The following AGBL1 variants were observed in gnomAD, a reference collection of about 807,000 sequenced individuals.
AGBL1 encodes cytosolic carboxypeptidase 4.
A neutral mutation model predicts 118.9 loss-of-function variants in AGBL1; 130 were observed. That is an observed-to-expected ratio of 1.09 (90% confidence interval 0.95 to 1.26). The LOEUF (loss-of-function observed/expected upper bound fraction) is 1.26. AGBL1 is among the 50% of genes most tolerant of loss of function. The pLI, the probability that AGBL1 is intolerant of heterozygous loss-of-function variation, is 0.00. For synonymous variants in AGBL1, 555 were observed against 478.9 expected (o/e 1.16, Z -2.08); for missense variants, 1,584 against 1,298.1 (o/e 1.22, Z -3.38).
At chr15:86,364,956 C>CATATAT (rs776121691) in intron 17 of AGBL1, among the ~76,000 whole-genome samples, 35 of 89,586 alleles carry the variant, frequency 3.9e-4, no homozygotes, top group African/African-American at 2.1e-3. Context: ...TTATATGTCA[C>CATATAT]ACATATATAT....
chr15:86,870,978 G>C lies in AGBL1; in HGVS notation c.3159-36109G>C, dbSNP rs539523470. ...AGAGAGATTGGGCTAGCTTGCCTTT[G>C]GTGCCCAGCAACTAACTGCTTAGGG... is the stretch of plus-strand genomic sequence containing the variant. On this transcript the variant is annotated intron_variant, in intron 22 of 22. Transcript: ENST00000614907. 9.2e-5 allele frequency among the ~76,000 whole-genome samples: 14 copies of C among 152,282 alleles called. No individual in the cohort carries two copies. The South Asian group carries it at 2.9e-3, about 32-fold the overall frequency.
intron 23 of AGBL1, among the ~76,000 whole-genome samples, chr15:86,983,064 G>A (rs1227368190): frequency 1.3e-5 from 2 of 151,242 alleles, no homozygotes; most frequent in African/African-American, 4.8e-5. Context: ...ACCTTTTTTT[G>A]TTTTGTTTTT....
At chr15:86,279,535 C>A (rs966190156) in intron 15 of AGBL1, 104 bp from the exon 16 acceptor site, 2 of 1,103,858 alleles carry the variant, frequency 1.8e-6, no homozygotes, top group African/African-American at 1.6e-5. Flanking sequence ...TGTGCCAGGA[C>A]AGTATATAAC....
chr15:86,919,741 C>A (rs761667181), downstream of AGBL1, among the ~76,000 whole-genome samples: 1 of 152,196 alleles, frequency 6.6e-6, no homozygotes, highest in South Asian at 2.1e-4. Flanking sequence ...GAAGCGACTG[C>A]GGCAAGCTCT....
chr15:86,192,173 C>T (rs1237181343), intron 5 of AGBL1, among the ~76,000 whole-genome samples: 1 of 151,046 alleles, frequency 6.6e-6, no homozygotes, highest in Non-Finnish European at 1.5e-5. Context: ...CACACATGCA[C>T]ACACACACAT....
chr15:86,444,743 C>T (rs2082101633), intron 18 of AGBL1, among the ~76,000 whole-genome samples: 1 of 152,130 alleles, frequency 6.6e-6, no homozygotes, highest in South Asian at 2.1e-4. Context: ...AAAGCCAGCC[C>T]AGCCCTTTGC....
chr15:86,778,044 C>A (rs1771619370), intron 22 of AGBL1, among the ~76,000 whole-genome samples: 1 of 152,010 alleles, frequency 6.6e-6, no homozygotes, highest in African/African-American at 2.4e-5. Flanking sequence ...GGACAGAGTA[C>A]AAAAGAGAGA....
At chr15:86,343,308 TATGAATCCCTCCC>T (rs55947505) in intron 17 of AGBL1, among the ~76,000 whole-genome samples, 105,253 of 151,888 alleles carry the variant, frequency 0.69, 37,580 homozygotes, top group Non-Finnish European at 0.78. Flanking sequence ...CCTCCTTGGC[TATGAATCCCTCCC>T]CTTAAGAGTC....
At chr15:86,094,163 A>G (rs183621349) in intron 1 of AGBL1, among the ~76,000 whole-genome samples, 18 of 152,248 alleles carry the variant, frequency 1.2e-4, no homozygotes, top group Non-Finnish European at 1.9e-4. Context: ...CTAAATCTAT[A>G]ATTGACACTA....
chr15:86,634,426 CAT>C (rs1346959681), intron 21 of AGBL1, among the ~76,000 whole-genome samples: 5 of 152,146 alleles, frequency 3.3e-5, no homozygotes, highest in Non-Finnish European at 5.9e-5. Flanking sequence ...AGCTTAAAAA[CAT>C]TGCGCTAAGT....
intron 18 of AGBL1, among the ~76,000 whole-genome samples, chr15:86,452,427 G>C (rs1163063683): frequency 6.6e-6 from 1 of 152,144 alleles, no homozygotes; most frequent in Non-Finnish European, 1.5e-5. Context: ...ATTCCCTTAT[G>C]ACACTGTAAT....
At chr15:86,088,530 T>C (rs1197007095) in intron 1 of AGBL1, among the ~76,000 whole-genome samples, 3 of 152,260 alleles carry the variant, frequency 2.0e-5, no homozygotes, top group African/African-American at 7.2e-5. Context: ...TTATGTGTGA[T>C]GGGGGACTAT....
intron 23 of AGBL1, among the ~76,000 whole-genome samples, chr15:86,948,603 T>C (rs978044862): frequency 6.6e-6 from 1 of 152,236 alleles, no homozygotes; most frequent in South Asian, 2.1e-4. Flanking sequence ...ATCATATTTC[T>C]AGCCAACGAG....
intron 17 of AGBL1, among the ~76,000 whole-genome samples, chr15:86,357,553 G>T (rs1281965682): frequency 6.6e-6 from 1 of 152,064 alleles, no homozygotes; most frequent in South Asian, 2.1e-4. Context: ...GGGTAAAAAA[G>T]GGCCTTGTGG....
intron 1 of AGBL1, among the ~76,000 whole-genome samples, chr15:86,103,979 T>C (rs1896883964): frequency 6.6e-6 from 1 of 152,104 alleles, no homozygotes; most frequent in Non-Finnish European, 1.5e-5. Flanking sequence ...CCAAGTGGCC[T>C]GTGCTGGTAT....
intron 17 of AGBL1, among the ~76,000 whole-genome samples, chr15:86,307,080 G>A (rs1323877641): frequency 6.6e-6 from 1 of 151,990 alleles, no homozygotes; most frequent in East Asian, 1.9e-4. Flanking sequence ...TTTGTCAGAG[G>A]GGAGTTTTAA....
chr15:87,019,310 A>G (rs78667887), intron 24 of AGBL1, among the ~76,000 whole-genome samples: 4,366 of 152,220 alleles, frequency 0.029, 86 homozygotes, highest in Middle Eastern at 0.058. Context: ...AAAACAACAG[A>G]ATATATATTC....
At chr15:86,848,230 C>A (rs746530910) in intron 22 of AGBL1, among the ~76,000 whole-genome samples, 1 of 152,060 alleles carries the variant, frequency 6.6e-6, no homozygotes, top group South Asian at 2.1e-4. Flanking sequence ...AACTGCTCCT[C>A]GACTTTGTGT....
chr15:86,197,980 C>T (rs1373572127), intron 5 of AGBL1, among the ~76,000 whole-genome samples: 1 of 152,068 alleles, frequency 6.6e-6, no homozygotes, highest in Non-Finnish European at 1.5e-5. Context: ...TATACAGGCC[C>T]AGGGTGCAAG....
Sources: gnomAD v4.1 joint callset for allele counts (sites outside exome capture counted in the v4.1 genomes callset) on GRCh38, gnomAD v4.1.1 for gene constraint, MANE v1.5 for transcripts, NCBI Gene and HGNC (gene_info 2026-07-23, HGNC 2026-07-21) for gene names.